Variants in PNO1 observed in about 807,000 individuals in gnomAD.
PNO1 encodes the protein partner of NOB1 homolog, also known as RNA-binding protein PNO1.
Under a neutral mutation model 28.4 loss-of-function variants are expected in PNO1, and 16 were observed. The ratio of observed to expected loss-of-function variants is 0.56; its 90% CI spans 0.38 to 0.85. The LOEUF is 0.85. PNO1 is among the 40% of genes least tolerant of loss of function. The pLI is 0.00. For missense variants in PNO1, 304 were observed against 312.2 expected (o/e 0.97, Z 0.20); for synonymous variants, 115 against 110.8 (o/e 1.04, Z -0.24).
intron 5 of PNO1, among the ~76,000 whole-genome samples, chr2:68,169,970 T>C (rs559881912): frequency 1.1e-4 from 17 of 152,344 alleles, no homozygotes; most frequent in African/African-American, 3.6e-4. Flanking sequence ...GTTTTCAGTT[T>C]GTGGCTATGA....
At chr2:68,165,288 C>T (rs10180737) in intron 5 of PNO1, among the ~76,000 whole-genome samples, 33,711 of 144,738 alleles carry the variant, frequency 0.23, 4,045 homozygotes, top group African/African-American at 0.26. Flanking sequence ...GGCGTGAACC[C>T]GGGAGGCGGA....
intron 5 of PNO1, among the ~76,000 whole-genome samples, chr2:68,171,679 A>G (rs1477280048): frequency 6.6e-6 from 1 of 152,204 alleles, no homozygotes; most frequent in Non-Finnish European, 1.5e-5. Flanking sequence ...TCTGGCAGTG[A>G]GCGAGGAGGC....
chr2:68,169,522 C>T (rs1230383469), intron 5 of PNO1, among the ~76,000 whole-genome samples: 2 of 152,110 alleles, frequency 1.3e-5, no homozygotes, highest in Non-Finnish European at 2.9e-5. Flanking sequence ...ACCACAAGAG[C>T]AATAGGTGGT....
At chr2:68,170,526 T>A (rs1251037124) in intron 5 of PNO1, among the ~76,000 whole-genome samples, 1 of 151,990 alleles carries the variant, frequency 6.6e-6, no homozygotes, top group Non-Finnish European at 1.5e-5. Flanking sequence ...GGCGGGCGGA[T>A]CACAATGTCA....
At position 68,158,105 on chromosome 2, in the gene PNO1, G is replaced by A; in HGVS notation, c.171G>A (p.Arg57=). The A allele has an allele frequency of 6.2e-7, 1 of 1,610,044 alleles. No homozygotes were observed. Among genetic ancestry groups the A allele is most frequent in the Non-Finnish European group, 8.5e-7 (1 of 1,178,282 alleles). ...CAGAGGAGGCCAGGCCGGCGAAGAG[G>A]CCCGTCTTCCCACCCCTCTGTGGGG... ...MDTEEARPAK[R]PVFPPLCGDG... The change falls in exon 1 of 7, where the codon AGG becomes AGA. Residue 57 remains arginine (R), a synonymous_variant. Coordinates refer to ENST00000263657, the MANE Select transcript of PNO1 (RefSeq NM_020143.4).
At position 68,168,704 on chromosome 2, in the gene PNO1, C is replaced by T. The variant is rs895981029; in HGVS notation, c.621-4643C>T. 3.9e-5 allele frequency among the ~76,000 whole-genome samples: 6 copies of T among 152,060 alleles called. No homozygotes were observed. The South Asian group carries it at 6.2e-4, about 16-fold the overall frequency. On this transcript the variant is annotated intron_variant, in intron 5 of 6. Coordinates refer to ENST00000263657, the MANE Select transcript of PNO1 (RefSeq NM_020143.4). The stretch of plus-strand genomic sequence containing the variant: ...CACAGTCTGTTCTGTCTTGCCTGGG[C>T]GCCTAGGGGCTTTATTTTTATTTTA...
rs7590838 is a variant in PNO1, at chr2:68,158,384, G to C, written c.212G>C (p.Gly71Ala). ...TGTGTGTTCTTTTATTTACAGAGTG[G>C]GAAAGAAGAAACAAGGAAAATTCCA... The part of the protein sequence containing the change: ...PPLCGDGLLS[G>A]KEETRKIPVP... The change falls in exon 2 of 7, where the codon GGG becomes GCG. Residue 71 changes from glycine to alanine, a missense_variant. Gly to Ala is a moderately conservative substitution (Grantham distance 60, BLOSUM62 0). Transcript: ENST00000263657. The C allele has an allele frequency of 5.1e-3, 8,134 of 1,609,508 alleles. 362 individuals carry two copies. The African/African-American group carries it at 0.096, about 19-fold the overall frequency.
chr2:68,160,230 A>T (rs1673796489), intron 2 of PNO1, among the ~76,000 whole-genome samples: 1 of 152,038 alleles, frequency 6.6e-6, no homozygotes, highest in Non-Finnish European at 1.5e-5. Context: ...CTGCCTCCCA[A>T]AGTGCTGGGA....
At chr2:68,162,779 C>A in intron 5 of PNO1, 116 bp downstream of exon 5, 1 of 725,986 alleles carries the variant, frequency 1.4e-6, no homozygotes, top group Non-Finnish European at 2.5e-6. Context: ...TTTGTCAGTG[C>A]AGATGCTCCT....
chr2:68,171,184 T>C (rs1674122683), intron 5 of PNO1, among the ~76,000 whole-genome samples: 1 of 152,238 alleles, frequency 6.6e-6, no homozygotes, highest in Non-Finnish European at 1.5e-5. Flanking sequence ...TATGTGTCTA[T>C]GTCCTTTCTT....
At chr2:68,159,466 A>C (rs960775807) in intron 2 of PNO1, among the ~76,000 whole-genome samples, 1 of 151,954 alleles carries the variant, frequency 6.6e-6, no homozygotes, top group Non-Finnish European at 1.5e-5. Context: ...TCGGCCTCCC[A>C]AAGTGCTGGG....
intron 5 of PNO1, among the ~76,000 whole-genome samples, chr2:68,165,617 G>A (rs1673975591): frequency 6.8e-6 from 1 of 147,434 alleles, no homozygotes; most frequent in African/African-American, 2.5e-5. Context: ...GGGAGGCTAA[G>A]GCGGGTGGAT....
chr2:68,165,504 C>A, intron 5 of PNO1, among the ~76,000 whole-genome samples: 1 of 149,042 alleles, frequency 6.7e-6, no homozygotes, highest in African/African-American at 2.5e-5. Flanking sequence ...CAAGATTGCA[C>A]CACTGCATTC....
At position 68,158,069 on chromosome 2, in the gene PNO1, C is replaced by T; in HGVS notation, c.135C>T (p.Gly45=). ...LSAAGEGGDA[G]RMDTEEARPA... ...CAGCAGGAGAGGGCGGGGATGCGGG[C>T]CGCATGGACACAGAGGAGGCCAGGC... The change falls in exon 1 of 7, where the codon GGC becomes GGT. Residue 45 remains glycine (G), a synonymous_variant. Transcript: ENST00000263657. 1.2e-6 allele frequency: 2 copies of T among 1,613,772 alleles called. No individual in the cohort carries two copies. The highest frequency in any genetic ancestry group is 1.7e-6 in the Non-Finnish European group (2 of 1,179,942).
rs749270589 is a variant in PNO1, at chr2:68,158,444, A to C, written c.272A>C (p.Asn91Thr). The change falls in exon 2 of 7, where the codon AAC (asparagine) becomes ACC (threonine). Residue 91 changes from asparagine (N) to threonine (T), a missense_variant. Physicochemically the swap from Asn to Thr is moderately conservative, Grantham distance 65 (BLOSUM62 0). Transcript: ENST00000263657. ...AACAGATACACACCATTGAAAGAAAACTGGATGAAGATATTTACTCCTATT... is the reference window on the plus strand; with the variant it reads ...AACAGATACACACCATTGAAAGAAACCTGGATGAAGATATTTACTCCTATT... ...PANRYTPLKE[N>T]WMKIFTPIVE... is the part of the protein sequence containing the mutation. 6.2e-7 allele frequency: 1 copy of C among 1,613,586 alleles called. No homozygotes were observed. The highest frequency in any genetic ancestry group is 1.1e-5 in the South Asian group (1 of 91,060).
At chr2:68,173,258 C>A in intron 5 of PNO1, 89 bp from the exon 6 acceptor site, 2 of 793,168 alleles carry the variant, frequency 2.5e-6, no homozygotes, top group Admixed American at 1.8e-5. Flanking sequence ...CACAAATGAT[C>A]TACCTGCCTT....
At chr2:68,158,602 C>CT in intron 2 of PNO1, 73 bp downstream of exon 2, 1 of 1,336,490 alleles carries the variant, frequency 7.5e-7, no homozygotes, top group Non-Finnish European at 1.0e-6. Flanking sequence ...CATGAATAGG[C>CT]TTTACTTAAT....
intron 5 of PNO1, among the ~76,000 whole-genome samples, chr2:68,169,249 T>G (rs1674067573): frequency 6.6e-6 from 1 of 152,118 alleles, no homozygotes; most frequent in African/African-American, 2.4e-5. Flanking sequence ...TTTCTTGTAC[T>G]GTCATGACTT....
chr2:68,158,727 ATTAG>A (rs1673745905), intron 2 of PNO1, among the ~76,000 whole-genome samples, 198 bp downstream of exon 2: 1 of 152,244 alleles, frequency 6.6e-6, no homozygotes, highest in Admixed American at 6.5e-5. Context: ...GAATTTGTAA[ATTAG>A]TTCTGAGATC....
Sources: allele counts gnomAD v4.1 joint callset (sites outside exome capture counted in the v4.1 genomes callset), GRCh38; gene constraint gnomAD v4.1.1; transcripts MANE v1.5; gene names NCBI Gene and HGNC (gene_info 2026-07-23, HGNC 2026-07-21).